Variants in MGAT5 observed in about 807,000 individuals in gnomAD.
The protein encoded by MGAT5 is alpha-1,6-mannosylglycoprotein 6-beta-N-acetylglucosaminyltransferase, also known as alpha-1,6-mannosylglycoprotein 6-beta-N-acetylglucosaminyltransferase A.
MGAT5 carries 30 observed loss-of-function variants against 94.3 expected under a neutral mutation model. That is an observed-to-expected ratio of 0.32 (90% CI 0.24 to 0.43). The LOEUF (loss-of-function observed/expected upper bound fraction) is 0.43. Among genes scored for constraint, MGAT5 ranks in the 20% least tolerant of loss-of-function variants. MGAT5 has a pLI of 1.00. For synonymous variants in MGAT5, 310 were observed against 322.9 expected (o/e 0.96, Z 0.43); for missense variants, 691 against 905.5 (o/e 0.76, Z 3.04).
rs1263012853 is a variant in MGAT5 at position 134,454,368 on chromosome 2, G to A, written c.*5521G>A. ...AGTTGATGCCAAAGGAGATGGTGAC[G>A]TCCCTTCCACTGTAGTTGCTGTCAC... is the stretch of plus-strand genomic sequence containing the variant. On this transcript the variant is annotated 3_prime_UTR_variant, in exon 16 of 16. Transcript: ENST00000281923. The A allele has an allele frequency of 4.6e-5, 7 of 152,214 alleles. No individual in the cohort carries two copies. The highest frequency in any genetic ancestry group is 7.2e-5 in the African/African-American group (3 of 41,436). 9.4% of individuals were successfully genotyped at this position (152,214 alleles called of 1,614,324 possible).
At position 134,165,760 on chromosome 2, in the gene MGAT5, G is replaced by A. The variant is rs746759970; in HGVS notation, c.-143+45469G>A. On this transcript the variant is annotated intron_variant, in intron 1 of 16. Transcript: ENST00000409645. Reference sequence around the variant, plus strand: ...ACTGCACTCCAGCCTGGGCGACAGAGCGAAACTCTGTCTCAAAAAAAAAAA... The same window carrying A: ...ACTGCACTCCAGCCTGGGCGACAGAACGAAACTCTGTCTCAAAAAAAAAAA... 2.5e-4 allele frequency among the ~76,000 whole-genome samples: 38 copies of A among 151,760 alleles called. 1 individual carries two copies. The South Asian group carries it at 4.2e-3, about 17-fold the overall frequency.
chr2:134,178,043 C>T (rs991749472), intron 1 of MGAT5, among the ~76,000 whole-genome samples: 1 of 151,536 alleles, frequency 6.6e-6, no homozygotes, highest in South Asian at 2.1e-4. Context: ...TTTTTTTCTT[C>T]GTGCAGTGGT....
intron 4 of MGAT5, among the ~76,000 whole-genome samples, chr2:134,327,959 C>T (rs1283291063): frequency 6.6e-6 from 1 of 152,120 alleles, no homozygotes; most frequent in Non-Finnish European, 1.5e-5. Context: ...TATGTGGATA[C>T]AGACCAGTTG....
intron 10 of MGAT5, among the ~76,000 whole-genome samples, chr2:134,377,412 C>T (rs1558838225): frequency 6.6e-6 from 1 of 152,166 alleles, no homozygotes; most frequent in South Asian, 2.1e-4. Flanking sequence ...CTGATTCTTT[C>T]CCCCCATTAT....
chr2:134,220,389 G>A (rs967487816), intron 1 of MGAT5, among the ~76,000 whole-genome samples: 1 of 152,158 alleles, frequency 6.6e-6, no homozygotes, highest in Non-Finnish European at 1.5e-5. Context: ...ACACAAGATG[G>A]TGTCTCTGCC....
At chr2:134,151,602 T>C (rs1459929449) in intron 1 of MGAT5, among the ~76,000 whole-genome samples, 11 of 93,592 alleles carry the variant, frequency 1.2e-4, no homozygotes, top group South Asian at 4.2e-4. Flanking sequence ...TGGGACCTGC[T>C]TACCGCCATG....
chr2:134,367,073 C>T (rs867175857), intron 10 of MGAT5, among the ~76,000 whole-genome samples: 4 of 152,198 alleles, frequency 2.6e-5, no homozygotes, highest in Non-Finnish European at 5.9e-5. Flanking sequence ...GTCCTGCTGT[C>T]CTGGTTTATA....
At chr2:134,332,936 C>T (rs1688073381) in intron 4 of MGAT5, among the ~76,000 whole-genome samples, 1 of 152,118 alleles carries the variant, frequency 6.6e-6, no homozygotes, top group Non-Finnish European at 1.5e-5. Context: ...CAGGAAACAA[C>T]AGGTGCTGTA....
intron 1 of MGAT5, among the ~76,000 whole-genome samples, chr2:134,132,177 T>G (rs998034859): frequency 9.9e-5 from 15 of 152,258 alleles, no homozygotes; most frequent in Admixed American, 7.2e-4. Context: ...TACTTGTAAC[T>G]AATATTCTTT....
chr2:134,350,187 G>A (rs1221514739), intron 9 of MGAT5, among the ~76,000 whole-genome samples: 1 of 152,094 alleles, frequency 6.6e-6, no homozygotes, highest in Non-Finnish European at 1.5e-5. Flanking sequence ...TCAATACAAA[G>A]TATCTTTAGA....
intron 10 of MGAT5, among the ~76,000 whole-genome samples, chr2:134,386,778 A>G (rs188210917): frequency 6.6e-6 from 1 of 152,344 alleles, no homozygotes; most frequent in East Asian, 1.9e-4. Context: ...AGAAAAAGTG[A>G]GATTCTGTTC....
At chr2:134,408,687 G>C (rs1683477933) in intron 11 of MGAT5, among the ~76,000 whole-genome samples, 1 of 152,168 alleles carries the variant, frequency 6.6e-6, no homozygotes, top group Non-Finnish European at 1.5e-5. Flanking sequence ...AGAGAGTCTG[G>C]CCACTGTTTA....
intron 1 of MGAT5, among the ~76,000 whole-genome samples, chr2:134,130,099 C>G (rs1052975916): frequency 6.6e-6 from 1 of 151,590 alleles, no homozygotes; most frequent in Non-Finnish European, 1.5e-5. Context: ...CCGGGTCCCC[C>G]AGCACTGCCG....
chr2:134,438,233 T>TTTATGTTGA (rs1480661408), intron 14 of MGAT5, among the ~76,000 whole-genome samples: 3 of 152,158 alleles, frequency 2.0e-5, no homozygotes, highest in African/African-American at 7.2e-5. Flanking sequence ...ATAAATGAAT[T>TTTATGTTGA]TTATGTTGAG....
At chr2:134,344,224 C>T (rs1238631381) in intron 7 of MGAT5, among the ~76,000 whole-genome samples, 4 of 151,866 alleles carry the variant, frequency 2.6e-5, no homozygotes, top group East Asian at 1.9e-4. Context: ...ACGCTCTGAG[C>T]GCAAGTATGG....
chr2:134,164,201 T>G (rs1315733204), intron 1 of MGAT5, among the ~76,000 whole-genome samples: 1 of 152,202 alleles, frequency 6.6e-6, no homozygotes, highest in African/African-American at 2.4e-5. Flanking sequence ...TCTTTTAAAC[T>G]AAAACTTCTA....
rs377164870 is a variant in MGAT5, at chr2:134,341,571, A to G, written c.808-19A>G. ...TATGTGGTTCAGTGTGAATCAGTAT[A>G]TGCCTCTTTGTTTTCCAGGTCCTCG... On this transcript the variant is annotated intron_variant, in intron 6 of 15. Coordinates refer to ENST00000281923, the MANE Select transcript of MGAT5 (RefSeq NM_002410.5). 2.5e-6 allele frequency: 4 copies of G among 1,608,354 alleles called. No homozygotes were observed. In the African/African-American group the frequency reaches 5.4e-5, roughly 22 times the overall value.
chr2:134,123,013 A>C (rs1476408542), intron 1 of MGAT5, among the ~76,000 whole-genome samples: 1 of 152,242 alleles, frequency 6.6e-6, no homozygotes, highest in South Asian at 2.1e-4. Context: ...ATCTGTATAC[A>C]TTCTTATAAA....
At chr2:134,350,994 GTC>G (rs1298595704) in intron 9 of MGAT5, among the ~76,000 whole-genome samples, 1 of 152,062 alleles carries the variant, frequency 6.6e-6, no homozygotes, top group Non-Finnish European at 1.5e-5. Context: ...GGTGACCCCT[GTC>G]TCACACTCAC....
Sources: gnomAD v4.1 joint callset for allele counts (sites outside exome capture counted in the v4.1 genomes callset) on GRCh38, gnomAD v4.1.1 for gene constraint, MANE v1.5 for transcripts, NCBI Gene and HGNC (gene_info 2026-07-23, HGNC 2026-07-21) for gene names.